PCDHGA6: variants seen among roughly 807,000 people sequenced by gnomAD.
The protein encoded by PCDHGA6 is protocadherin gamma-A6.
PCDHGA6 carries 41 observed loss-of-function variants against 60.6 expected under a neutral mutation model. That is an observed-to-expected ratio of 0.68 (90% CI 0.53 to 0.88). The LOEUF (loss-of-function observed/expected upper bound fraction) is 0.88. Among genes scored for constraint, PCDHGA6 ranks in the 40% least tolerant of loss-of-function variants. PCDHGA6 has a pLI of 0.00. For missense variants in PCDHGA6, 1,312 were observed against 1,203.0 expected, an observed-to-expected ratio of 1.09 and a Z score of -1.34; for synonymous variants, 594 against 524.4, an observed-to-expected ratio of 1.13 and a Z score of -1.81.
intron 1 of PCDHGA6, among the ~76,000 whole-genome samples, chr5:141,454,831 A>C (rs1489772379): frequency 1.3e-5 from 1 of 78,366 alleles, no homozygotes; most frequent in African/African-American, 6.7e-5. Context: ...TTTTTGAGAC[A>C]GAGTCGCGCT....
At position 141,477,592 on chromosome 5, in the gene PCDHGA6, T is replaced by G; in HGVS notation, c.2425-17215T>G. On this transcript the variant is annotated intron_variant, in intron 1 of 3. Coordinates refer to ENST00000517434, the MANE Select transcript of PCDHGA6 (RefSeq NM_018919.3). The surrounding 1 kb of genome is among the most constrained non-coding windows in gnomAD (Gnocchi z 4.9). ...CCGACGCCCCGCAGAATGCTCGGCT[T>G]TCTTTCTTTCTCTTGGAGCAAGGAG... The G allele has an allele frequency of 6.2e-7, 1 of 1,614,142 alleles. No homozygotes were observed. Among genetic ancestry groups the G allele is most frequent in the Non-Finnish European group, 8.5e-7 (1 of 1,180,014 alleles).
intron 1 of PCDHGA6, chr5:141,433,063 G>T (rs1411651811): frequency 3.1e-6 from 5 of 1,614,176 alleles, no homozygotes; most frequent in Non-Finnish European, 4.2e-6. Flanking sequence ...AGAGTCACCT[G>T]ATCTTCCCCC....
intron 1 of PCDHGA6, among the ~76,000 whole-genome samples, chr5:141,443,369 C>T (rs1403494558): frequency 6.6e-6 from 1 of 151,848 alleles, no homozygotes; most frequent in African/African-American, 2.4e-5. Context: ...CCTGTGGTCT[C>T]AGCTACTTGG....
Position 141,432,084 on chromosome 5 carries a change from TG to T in PCDHGA6, c.2424+55579del. 6.2e-7 allele frequency: 1 copy of T among 1,614,186 alleles called. No homozygotes were observed. Among genetic ancestry groups the T allele is most frequent in the Non-Finnish European group, 8.5e-7 (1 of 1,180,034 alleles). ...ACGGAAACTCATATCTCGCTGAACG[TG>T]GCAGACACCAACGACAACCCGCCGG... On this transcript the variant is annotated intron_variant, in intron 1 of 3. Transcript: ENST00000517434. The surrounding 1 kb of genome is among the most constrained non-coding windows in gnomAD (Gnocchi z 6.0).
rs2150054707 is a variant in PCDHGA6 at position 141,375,179 on chromosome 5, A to G, written c.1096A>G (p.Ile366Val). The G allele has an allele frequency of 2.5e-6, 4 of 1,613,972 alleles. No homozygotes were observed. Among genetic ancestry groups the G allele is most frequent in the Middle Eastern group, 1.6e-4 (1 of 6,062 alleles). Reference protein sequence around the residue: ...IAESAPPGTVIALFQVFDRDS... With the variant: ...IAESAPPGTVVALFQVFDRDS... ...TGAAAGTGCACCTCCAGGAACAGTA[A>G]TCGCCCTTTTTCAAGTGTTCGATCG... Residue 366 changes from isoleucine to valine, a missense_variant, in exon 1 of 4, where the codon ATC becomes GTC. Ile to Val is a conservative substitution (Grantham distance 29). Transcript: ENST00000517434.
intron 1 of PCDHGA6, among the ~76,000 whole-genome samples, chr5:141,480,916 A>C (rs991166066): frequency 6.6e-6 from 1 of 152,106 alleles, no homozygotes; most frequent in East Asian, 1.9e-4. Flanking sequence ...ATGGTGGCGC[A>C]TACCTGTAGT....
intron 1 of PCDHGA6, chr5:141,430,655 G>T (rs1309165721): frequency 1.6e-5 from 17 of 1,084,938 alleles, no homozygotes; most frequent in Non-Finnish European, 2.2e-5. Flanking sequence ...TGGAAACAAC[G>T]GAGGAGCTCT....
intron 1 of PCDHGA6, among the ~76,000 whole-genome samples, chr5:141,457,612 G>T (rs1011626121): frequency 1.8e-4 from 27 of 152,232 alleles, no homozygotes; most frequent in Non-Finnish European, 2.9e-4. Flanking sequence ...AATTATGAAT[G>T]AACTTTAATC....
chr5:141,392,463 AT>A (rs770659302), intron 1 of PCDHGA6: 30 of 173,504 alleles, frequency 1.7e-4, no homozygotes, highest in Non-Finnish European at 2.8e-4. Context: ...TTACGGATAA[AT>A]CAAATAAATT....
At chr5:141,427,187 C>T (rs1318380362) in intron 1 of PCDHGA6, 1 of 456,574 alleles carries the variant, frequency 2.2e-6, no homozygotes, top group Middle Eastern at 3.3e-4. Flanking sequence ...AAATTAAATC[C>T]AAAGACTTAA....
In PCDHGA6 at chr5:141,409,393, T is replaced by C. The variant is rs539937433; in HGVS notation, c.2424+32886T>C. 4.8e-5 allele frequency: 77 copies of C among 1,614,062 alleles called. 1 individual carries two copies. In the East Asian group the frequency reaches 1.7e-3, roughly 35 times the overall value. On this transcript the variant is annotated intron_variant, in intron 1 of 3. Coordinates refer to ENST00000517434, the MANE Select transcript of PCDHGA6 (RefSeq NM_018919.3). ...ACATTCCATTCAAGATTTATTCTTC[T>C]TCCAATAACTACTACAAACTGGTGA...
At chr5:141,414,396 A>G in intron 1 of PCDHGA6, 1 of 1,613,884 alleles carries the variant, frequency 6.2e-7, no homozygotes, top group Non-Finnish European at 8.5e-7. Flanking sequence ...GTTATTACAG[A>G]TTGGTGATAC....
At position 141,505,403 on chromosome 5, in the gene PCDHGA6, G is replaced by A; in HGVS notation, c.2494G>A (p.Gly832Ser). The A allele has an allele frequency of 6.2e-7, 1 of 1,614,186 alleles. No individual in the cohort carries two copies. The highest frequency in any genetic ancestry group is 8.5e-7 in the Non-Finnish European group (1 of 1,180,038). ...QRPGTSGSQN[G>S]DDTGTWPNNQ... ...CTACTCTCTCCCCAGCTCCCAAAAT[G>A]GCGATGACACCGGCACCTGGCCCAA... Residue 832 changes from glycine (G) to serine (S), a missense_variant, in exon 3 of 4, where the codon GGC (glycine) becomes AGC (serine). Coordinates refer to ENST00000517434, the MANE Select transcript of PCDHGA6 (RefSeq NM_018919.3).
chr5:141,415,404 C>A lies in PCDHGA6; in HGVS notation c.2424+38897C>A, dbSNP rs199662613. On this transcript the variant is annotated intron_variant, in intron 1 of 3. Transcript: ENST00000517434. ...GCTTGACAGGTGTGTCCGGCTCGCA[C>A]TTTGTGGGCGTGGACGGGGTTCGGG... The A allele has an allele frequency of 2.2e-4, 363 of 1,614,238 alleles. 1 individual carries two copies. Among genetic ancestry groups the A allele is most frequent in the Non-Finnish European group, 6.8e-6 (8 of 1,180,048 alleles).
chr5:141,422,961 G>A, intron 1 of PCDHGA6: 1 of 1,614,234 alleles, frequency 6.2e-7, no homozygotes, highest in Non-Finnish European at 8.5e-7. Flanking sequence ...GCGTGGAGCT[G>A]GCGCCCCGCT....
At chr5:141,459,714 T>C (rs1240430980) in intron 1 of PCDHGA6, among the ~76,000 whole-genome samples, 4 of 152,244 alleles carry the variant, frequency 2.6e-5, no homozygotes, top group Admixed American at 6.5e-5. Flanking sequence ...TTCTCACCAA[T>C]GCTTCCTATT....
Position 141,431,706 on chromosome 5 carries a change from A to T in PCDHGA6, c.2424+55199A>T. The T allele has an allele frequency of 6.2e-7, 1 of 1,614,248 alleles. No homozygotes were observed. The highest frequency in any genetic ancestry group is 8.5e-7 in the Non-Finnish European group (1 of 1,180,048). On this transcript the variant is annotated intron_variant, in intron 1 of 3. Coordinates refer to ENST00000517434, the MANE Select transcript of PCDHGA6 (RefSeq NM_018919.3). The surrounding 1 kb of genome is among the most constrained non-coding windows in gnomAD (Gnocchi z 4.8). ...GACCACGAGGAGTCAGGATTCTACC[A>T]GATGGAAGTGCAAGCAATGGATAAT...
At position 141,491,832 on chromosome 5, in the gene PCDHGA6, C is replaced by T. The variant is rs755882255; in HGVS notation, c.2425-2975C>T. On this transcript the variant is annotated intron_variant, in intron 1 of 3. Coordinates refer to ENST00000517434, the MANE Select transcript of PCDHGA6 (RefSeq NM_018919.3). The surrounding 1 kb of genome is among the most constrained non-coding windows in gnomAD (Gnocchi z 6.9). ...GTCGCTGGCTGCGCTCCACCCGATT[C>T]TCGGGATCATTGGACCGTTTGCGCG... 1.6e-5 allele frequency: 24 copies of T among 1,474,306 alleles called. No individual in the cohort carries two copies. The highest frequency in any genetic ancestry group is 2.0e-5 in the Non-Finnish European group (22 of 1,112,688). 91.3% of individuals were successfully genotyped at this position (1,474,306 alleles called of 1,614,324 possible). A position where few individuals can be genotyped will look rare whatever the true frequency, so the allele number is the denominator to read the frequency against.
chr5:141,423,757 G>GGC, intron 1 of PCDHGA6: 1 of 395,122 alleles, frequency 2.5e-6, no homozygotes, highest in East Asian at 1.5e-4. Context: ...GTTTGGGGGG[G>GGC]GGGTGGGGCG....
Sources: gnomAD v4.1 joint callset for allele counts (sites outside exome capture counted in the v4.1 genomes callset) on GRCh38, gnomAD v4.1.1 for gene constraint, Gnocchi (gnomAD v3.1) non-coding constraint, MANE v1.5 for transcripts, NCBI Gene and HGNC (gene_info 2026-07-23, HGNC 2026-07-21) for gene names.